CSMD1: variants seen among roughly 807,000 people sequenced by gnomAD.
CSMD1 encodes CUB and Sushi multiple domains 1.
Under a neutral mutation model 417.5 loss-of-function variants are expected in CSMD1, and 213 were observed. That is an observed-to-expected ratio of 0.51 (90% CI 0.46 to 0.57). The LOEUF is 0.57. Among genes scored for constraint, CSMD1 ranks in the 20% least tolerant of loss-of-function variants. The pLI is 0.00. For synonymous variants in CSMD1, 2,862 were observed against 1,736.8 expected, an observed-to-expected ratio of 1.65 and a Z score of -16.11; for missense variants, 6,923 against 4,529.7, an observed-to-expected ratio of 1.53 and a Z score of -15.17.
At chr8:3,369,188 G>C in intron 19 of CSMD1, 66 bp downstream of exon 19, 3 of 762,620 alleles carry the variant, frequency 3.9e-6, no homozygotes, top group South Asian at 3.2e-5. Context: ...ATATGTTTTT[G>C]TTTTGTTCCC....
intron 3 of CSMD1, among the ~76,000 whole-genome samples, chr8:4,264,126 G>C (rs187484046): frequency 5.3e-4 from 80 of 152,222 alleles, no homozygotes; most frequent in Non-Finnish European, 8.8e-5. Context: ...ACATTTGTAG[G>C]TAAAGAATAC....
chr8:4,655,888 TATTG>T (rs1016880025), intron 1 of CSMD1, among the ~76,000 whole-genome samples: 2 of 152,150 alleles, frequency 1.3e-5, no homozygotes, highest in African/African-American at 4.8e-5. Flanking sequence ...ATTCATCAAA[TATTG>T]ATTGACTGTC....
At chr8:3,841,823 C>G (rs1803156289) in intron 5 of CSMD1, among the ~76,000 whole-genome samples, 1 of 152,046 alleles carries the variant, frequency 6.6e-6, no homozygotes, top group Non-Finnish European at 1.5e-5. Flanking sequence ...GTGTTCAAAG[C>G]ACCGAGACTT....
At chr8:4,008,733 C>G (rs1167942959) in intron 4 of CSMD1, among the ~76,000 whole-genome samples, 1 of 150,710 alleles carries the variant, frequency 6.6e-6, no homozygotes, top group African/African-American at 2.4e-5. Context: ...GCCTCAGCCT[C>G]CTGAGTAGCT....
At chr8:4,611,980 C>T (rs945469937) in intron 2 of CSMD1, among the ~76,000 whole-genome samples, 2 of 152,016 alleles carry the variant, frequency 1.3e-5, no homozygotes, top group African/African-American at 4.8e-5. Context: ...TTTTTTCCTC[C>T]TAAGTGCTCA....
chr8:2,954,806 A>G (rs1230396418), intron 64 of CSMD1, among the ~76,000 whole-genome samples: 1 of 152,230 alleles, frequency 6.6e-6, no homozygotes, highest in East Asian at 1.9e-4. Context: ...CCATTTTAAA[A>G]GTTTTCATTC....
intron 37 of CSMD1, among the ~76,000 whole-genome samples, chr8:3,162,690 T>C (rs1819972266): frequency 6.6e-6 from 1 of 151,566 alleles, no homozygotes; most frequent in Non-Finnish European, 1.5e-5. Flanking sequence ...AAAAATTATG[T>C]GTGAATCTTG....
intron 26 of CSMD1, among the ~76,000 whole-genome samples, chr8:3,259,860 C>G (rs1255846422): frequency 1.7e-5 from 1 of 57,806 alleles, no homozygotes; most frequent in Non-Finnish European, 5.1e-5. Context: ...TAAAAAATAT[C>G]AAAATAAAAT....
chr8:4,412,548 T>C (rs754317187), intron 3 of CSMD1, among the ~76,000 whole-genome samples: 4 of 152,134 alleles, frequency 2.6e-5, no homozygotes, highest in Non-Finnish European at 4.4e-5. Flanking sequence ...CAGTCTCCGG[T>C]ATTTCTTTAT....
intron 3 of CSMD1, among the ~76,000 whole-genome samples, chr8:4,366,782 T>A (rs1016998108): frequency 6.6e-6 from 1 of 152,280 alleles, no homozygotes; most frequent in East Asian, 1.9e-4. Context: ...TACATATACA[T>A]GTGCCATGCT....
chr8:4,258,362 G>A (rs1336029926), intron 3 of CSMD1, among the ~76,000 whole-genome samples: 2 of 36,460 alleles, frequency 5.5e-5, no homozygotes, highest in African/African-American at 2.5e-4. Flanking sequence ...AGAGAAGGAG[G>A]GAAGGAGGGA....
chr8:3,999,608 G>A (rs1815499391), intron 4 of CSMD1, among the ~76,000 whole-genome samples: 1 of 152,130 alleles, frequency 6.6e-6, no homozygotes, highest in African/African-American at 2.4e-5. Context: ...ACAGCACACG[G>A]TTTTTGTTCC....
intron 1 of CSMD1, among the ~76,000 whole-genome samples, chr8:4,907,505 A>G (rs144435345): frequency 1.0e-3 from 137 of 131,806 alleles, no homozygotes; most frequent in African/African-American, 3.1e-3. Flanking sequence ...ACATCTTACT[A>G]GAATTAAATG....
chr8:4,706,452 T>C (rs1276599028), intron 1 of CSMD1, among the ~76,000 whole-genome samples: 2 of 152,212 alleles, frequency 1.3e-5, no homozygotes, highest in East Asian at 3.8e-4. Context: ...AGCTCAGTAA[T>C]TCACAAATGT....
chr8:4,878,163 T>A (rs1329928191), intron 1 of CSMD1, among the ~76,000 whole-genome samples: 1 of 152,084 alleles, frequency 6.6e-6, no homozygotes, highest in East Asian at 1.9e-4. Flanking sequence ...TATTTTAGAA[T>A]GAGCAGTTTG....
chr8:3,154,646 G>A (rs552339945), intron 39 of CSMD1, among the ~76,000 whole-genome samples: 16 of 152,128 alleles, frequency 1.1e-4, no homozygotes, highest in Non-Finnish European at 2.2e-4. Context: ...GCCACCTGCT[G>A]TGACATGAAC....
chr8:4,330,208 A>ACACCCATCAGATCCACCTGTCAGATC (rs1799789332), intron 3 of CSMD1, among the ~76,000 whole-genome samples: 3 of 151,238 alleles, frequency 2.0e-5, no homozygotes, highest in Admixed American at 6.6e-5. Context: ...TTTCTCCATA[A>ACACCCATCAGATCCACCTGTCAGATC]CACCCGTCAG....
At chr8:4,195,541 T>C (rs930692272) in intron 3 of CSMD1, among the ~76,000 whole-genome samples, 8 of 152,138 alleles carry the variant, frequency 5.3e-5, no homozygotes, top group African/African-American at 1.9e-4. Context: ...GAGAAAGACT[T>C]GTGATGTGCG....
chr8:3,625,720 C>A (rs1402415085), intron 7 of CSMD1, among the ~76,000 whole-genome samples: 1 of 152,104 alleles, frequency 6.6e-6, no homozygotes, highest in East Asian at 1.9e-4. Flanking sequence ...AGTCATTCAA[C>A]ATTATTCTTA....
Sources: gnomAD v4.1 joint callset for allele counts (sites outside exome capture counted in the v4.1 genomes callset) on GRCh38, gnomAD v4.1.1 for gene constraint, MANE v1.5 for transcripts, NCBI Gene and HGNC (gene_info 2026-07-23, HGNC 2026-07-21) for gene names.